The following PDE10A variants were observed in gnomAD, a reference collection of about 807,000 sequenced individuals.
PDE10A encodes cAMP and cAMP-inhibited cGMP 3',5'-cyclic phosphodiesterase 10A.
PDE10A carries 39 observed loss-of-function variants against 97.7 expected under a neutral mutation model. That is an observed-to-expected ratio of 0.40 (90% confidence interval 0.31 to 0.52). The LOEUF (loss-of-function observed/expected upper bound fraction) is 0.52. PDE10A is among the 20% of genes least tolerant of loss of function. PDE10A has a pLI of 0.56. For missense variants in PDE10A, 731 were observed against 1,047.8 expected (o/e 0.70, Z 4.17); for synonymous variants, 371 against 376.8 (o/e 0.98, Z 0.18).
At chr6:165,980,885 G>T (rs1300537581) in intron 1 of PDE10A, among the ~76,000 whole-genome samples, 1 of 152,144 alleles carries the variant, frequency 6.6e-6, no homozygotes, top group Non-Finnish European at 1.5e-5. Context: ...TTCATGTCAC[G>T]GTTGGGCAGT....
At chr6:165,650,984 C>G (rs1490312979) in intron 1 of PDE10A, among the ~76,000 whole-genome samples, 3 of 152,214 alleles carry the variant, frequency 2.0e-5, no homozygotes, top group Admixed American at 2.0e-4. Context: ...GATCCACCCA[C>G]CTCGGCCTCC....
chr6:165,583,783 C>T (rs549598415), intron 1 of PDE10A, among the ~76,000 whole-genome samples: 24 of 152,290 alleles, frequency 1.6e-4, no homozygotes, highest in Middle Eastern at 6.8e-3. Context: ...CCGTTTCTCC[C>T]ATAGCCAGGA....
chr6:165,619,699 CCAGTGTAGTGTAGTGTAGTCCAGTG>C (rs1788027682), intron 1 of PDE10A, among the ~76,000 whole-genome samples: 4 of 112,724 alleles, frequency 3.5e-5, no homozygotes, highest in Non-Finnish European at 4.0e-5. Flanking sequence ...GTAGTGTAGT[CCAGTGTAGTGTAGTGTAGTCCAGTG>C]TAGTGTAGTG....
At chr6:165,619,400 T>TACTGTAGTGTAGTGCAGTGGTCTAGTGC in intron 1 of PDE10A, among the ~76,000 whole-genome samples, 1 of 135,800 alleles carries the variant, frequency 7.4e-6, no homozygotes, top group East Asian at 2.1e-4. Context: ...TAGTGTAGTG[T>TACTGTAGTGTAGTGCAGTGGTCTAGTGC]AGTGTAGTCT....
intron 1 of PDE10A, among the ~76,000 whole-genome samples, chr6:165,679,131 T>A (rs1790905541): frequency 6.6e-6 from 1 of 152,154 alleles, no homozygotes; most frequent in Non-Finnish European, 1.5e-5. Context: ...GGATAAGGGG[T>A]GCCCCATGGA....
chr6:165,384,666 G>A (rs1046621506), intron 17 of PDE10A, among the ~76,000 whole-genome samples: 1 of 51,442 alleles, frequency 1.9e-5, no homozygotes, highest in Admixed American at 2.1e-4. Flanking sequence ...GTGTGTGTGT[G>A]TGTATGGGGG....
chr6:165,787,653 C>T (rs963156792), intron 1 of PDE10A, among the ~76,000 whole-genome samples: 1 of 152,170 alleles, frequency 6.6e-6, no homozygotes, highest in Non-Finnish European at 1.5e-5. Context: ...ATCTAACTAC[C>T]TTTAACCATC....
intron 1 of PDE10A, among the ~76,000 whole-genome samples, chr6:165,797,213 A>G (rs1049934589): frequency 6.6e-6 from 1 of 152,206 alleles, no homozygotes; most frequent in Non-Finnish European, 1.5e-5. Flanking sequence ...CACCAGACAT[A>G]CTACTGAGAT....
chr6:165,857,262 A>G (rs1780762339), intron 1 of PDE10A, among the ~76,000 whole-genome samples: 1 of 152,198 alleles, frequency 6.6e-6, no homozygotes, highest in South Asian at 2.1e-4. Context: ...CATATTGGCC[A>G]GAGAGTTTTG....
Position 165,430,307 on chromosome 6 carries a change from G to A in PDE10A, c.1581C>T (p.Asp527=), listed in dbSNP as rs374741673. ...CTTACTTTGATACGTCGAGTAGGAA[G>A]TCATTCAATTCTGTCTGTTTGGCAA... ...RGLAKQTELN[D]FLLDVSKTYF... Residue 527 remains aspartate (D), a synonymous_variant, in exon 9 of 22, where the codon GAC becomes GAT. Transcript: ENST00000539869. 1.2e-6 allele frequency: 2 copies of A among 1,608,588 alleles called. No homozygotes were observed. The highest frequency in any genetic ancestry group is 1.7e-5 in the Admixed American group (1 of 59,520).
intron 1 of PDE10A, among the ~76,000 whole-genome samples, chr6:165,810,336 A>G (rs2128467165): frequency 6.6e-6 from 1 of 152,268 alleles, no homozygotes; most frequent in South Asian, 2.1e-4. Context: ...CTTTCTGAGT[A>G]TTCCGCAAAT....
intron 1 of PDE10A, among the ~76,000 whole-genome samples, chr6:165,853,160 CT>C (rs940960745): frequency 2.0e-5 from 3 of 152,222 alleles, no homozygotes; most frequent in African/African-American, 7.2e-5. Flanking sequence ...CGGGTACCTC[CT>C]TCTGCAATTG....
At chr6:165,521,777 A>G (rs997138633) in intron 2 of PDE10A, among the ~76,000 whole-genome samples, 1 of 152,200 alleles carries the variant, frequency 6.6e-6, no homozygotes, top group Admixed American at 6.5e-5. Flanking sequence ...TCCACAACAT[A>G]AAAGCTCAAT....
chr6:165,872,656 T>C (rs1562776397), intron 1 of PDE10A, among the ~76,000 whole-genome samples: 1 of 100,080 alleles, frequency 1.0e-5, no homozygotes, highest in African/African-American at 3.9e-5. Context: ...GCTGTGTTTT[T>C]TTTGTTGTTG....
chr6:165,337,708 T>A (rs1292746687), intron 20 of PDE10A, among the ~76,000 whole-genome samples: 1 of 152,174 alleles, frequency 6.6e-6, no homozygotes, highest in East Asian at 1.9e-4. Flanking sequence ...TAAATGAAAA[T>A]CAAACTATTC....
intron 1 of PDE10A, among the ~76,000 whole-genome samples, chr6:165,624,141 A>G (rs1262849830): frequency 2.0e-5 from 3 of 152,220 alleles, no homozygotes; most frequent in African/African-American, 7.2e-5. Context: ...GCTTTGAGTC[A>G]TATCCATCCA....
At chr6:165,435,853 C>T (rs1406081581) in intron 5 of PDE10A, among the ~76,000 whole-genome samples, 1 of 152,130 alleles carries the variant, frequency 6.6e-6, no homozygotes, top group African/African-American at 2.4e-5. Context: ...CTAAGACTCA[C>T]TCACATTACT....
intron 1 of PDE10A, among the ~76,000 whole-genome samples, chr6:165,724,304 G>C (rs1202857126): frequency 6.6e-6 from 1 of 150,586 alleles, no homozygotes. Flanking sequence ...GTCATCAAAT[G>C]CTTCCTGCTC....
At chr6:165,980,638 CA>C (rs1457777498) in intron 1 of PDE10A, among the ~76,000 whole-genome samples, 1 of 152,150 alleles carries the variant, frequency 6.6e-6, no homozygotes, top group Non-Finnish European at 1.5e-5. Flanking sequence ...TGCATGTGCT[CA>C]GGAAATTTCT....
Sources: allele counts gnomAD v4.1 joint callset (sites outside exome capture counted in the v4.1 genomes callset), GRCh38; gene constraint gnomAD v4.1.1; transcripts MANE v1.5; gene names NCBI Gene and HGNC (gene_info 2026-07-23, HGNC 2026-07-21).